NAALADL2: variants seen among roughly 807,000 people sequenced by gnomAD.
The protein encoded by NAALADL2 is N-acetylated alpha-linked acidic dipeptidase like 2.
A neutral mutation model predicts 87.2 loss-of-function variants in NAALADL2; 76 were observed. That is an observed-to-expected ratio of 0.87 (90% confidence interval 0.72 to 1.05). NAALADL2 has a LOEUF of 1.05. Ranked by LOEUF, NAALADL2 falls within the 50% of genes least tolerant of loss-of-function variation. The pLI, the probability that NAALADL2 is intolerant of heterozygous loss-of-function variation, is 0.00. For synonymous variants in NAALADL2, 354 were observed against 331.0 expected, an observed-to-expected ratio of 1.07 and a Z score of -0.75; for missense variants, 1,089 against 945.8, an observed-to-expected ratio of 1.15 and a Z score of -1.99.
chr3:174,813,933 G>A (rs1237036499), intron 3 of NAALADL2, among the ~76,000 whole-genome samples: 1 of 151,882 alleles, frequency 6.6e-6, no homozygotes, highest in Non-Finnish European at 1.5e-5. Context: ...TCTAATATAT[G>A]TAAGTCATTA....
At chr3:174,578,295 A>C (rs1207787603) in intron 2 of NAALADL2, among the ~76,000 whole-genome samples, 5 of 151,994 alleles carry the variant, frequency 3.3e-5, no homozygotes, top group Non-Finnish European at 5.9e-5. Context: ...AAAACAAAAC[A>C]CGATAAATAT....
chr3:174,642,764 A>G (rs200866054), intron 2 of NAALADL2, among the ~76,000 whole-genome samples: 1,048 of 38,210 alleles, frequency 0.027, 38 homozygotes, highest in African/African-American at 0.12. Context: ...ATATATATAT[A>G]TATATATATA....
chr3:174,819,074 TTTTTTTTTTTTTG>T (rs1290925724), intron 3 of NAALADL2, among the ~76,000 whole-genome samples: 2 of 129,638 alleles, frequency 1.5e-5, no homozygotes, highest in Non-Finnish European at 3.3e-5. Context: ...TTTTTTTTTT[TTTTTTTTTTTTTG>T]GAGACAGGAT....
chr3:175,314,527 A>G (rs1758786944), intron 4 of NAALADL2, among the ~76,000 whole-genome samples: 1 of 140,410 alleles, frequency 7.1e-6, no homozygotes, highest in Admixed American at 7.3e-5. Flanking sequence ...TCAAATTTCA[A>G]GAGCAAGCTG....
At chr3:174,865,895 A>G (rs1003058434) in intron 1 of NAALADL2, among the ~76,000 whole-genome samples, 13 of 152,046 alleles carry the variant, frequency 8.6e-5, no homozygotes, top group African/African-American at 3.1e-4. Flanking sequence ...TTGGAAACAG[A>G]GGATTTTTCA....
chr3:174,836,479 A>G (rs1051764669), intron 3 of NAALADL2, among the ~76,000 whole-genome samples: 2 of 152,024 alleles, frequency 1.3e-5, no homozygotes, highest in Non-Finnish European at 2.9e-5. Context: ...AGGCGGGTGG[A>G]TCATGAGGTC....
chr3:174,741,795 G>C (rs1849935), intron 3 of NAALADL2, among the ~76,000 whole-genome samples: 1 of 151,616 alleles, frequency 6.6e-6, no homozygotes, highest in African/African-American at 2.4e-5. Context: ...ATATTAATAA[G>C]TTTGACAGCA....
rs1339964722 is a variant in NAALADL2, at chr3:174,717,719, A to C, written c.-114-19922A>C. 2.0e-5 allele frequency among the ~76,000 whole-genome samples: 3 copies of C among 152,242 alleles called. No individual in the cohort carries two copies. The East Asian group carries it at 5.8e-4, about 29-fold the overall frequency. ...TTTCCTTCTGGAATATTAAATATGT[A>C]GTAAGAAATGATGCTTAAGAGCATT... On this transcript the variant is annotated intron_variant, in intron 2 of 3. Coordinates refer to the NAALADL2 transcript ENST00000434257.
chr3:174,882,733 A>C (rs117669859), intron 1 of NAALADL2, among the ~76,000 whole-genome samples: 2 of 145,744 alleles, frequency 1.4e-5, no homozygotes, highest in African/African-American at 2.6e-5. Flanking sequence ...GTATATGTGT[A>C]TCTATGTGTA....
intron 3 of NAALADL2, among the ~76,000 whole-genome samples, chr3:174,800,629 G>A (rs1426902320): frequency 6.6e-6 from 1 of 152,150 alleles, no homozygotes; most frequent in Non-Finnish European, 1.5e-5. Context: ...GCCTAGTAGA[G>A]CTGTGAGAAG....
intron 2 of NAALADL2, among the ~76,000 whole-genome samples, chr3:174,698,864 AAAG>A (rs1402487828): frequency 1.5e-5 from 2 of 133,572 alleles, no homozygotes; most frequent in African/African-American, 6.6e-5. Context: ...ACTCCGTCTC[AAAG>A]AAGAAAAAAA....
At chr3:175,201,479 A>G (rs975002923) in intron 2 of NAALADL2, among the ~76,000 whole-genome samples, 1 of 152,192 alleles carries the variant, frequency 6.6e-6, no homozygotes, top group African/African-American at 2.4e-5. Context: ...CATTCAACAT[A>G]TCATGAGCCC....
intron 2 of NAALADL2, among the ~76,000 whole-genome samples, chr3:174,591,597 C>T (rs1157845806): frequency 1.3e-5 from 2 of 152,130 alleles, no homozygotes. Context: ...TGGACCTAAA[C>T]AGAAATACAA....
intron 9 of NAALADL2, among the ~76,000 whole-genome samples, chr3:175,489,271 G>T (rs1246111080): frequency 6.6e-6 from 1 of 152,072 alleles, no homozygotes; most frequent in Non-Finnish European, 1.5e-5. Context: ...GTTATAGTTA[G>T]GGAAGCATAA....
chr3:174,653,632 G>A (rs1275954252), intron 2 of NAALADL2, among the ~76,000 whole-genome samples: 1 of 152,062 alleles, frequency 6.6e-6, no homozygotes, highest in Non-Finnish European at 1.5e-5. Context: ...AGTGGAAGTA[G>A]GATATGAGCT....
At chr3:174,981,164 G>T (rs915815133) in intron 1 of NAALADL2, among the ~76,000 whole-genome samples, 8 of 152,042 alleles carry the variant, frequency 5.3e-5, no homozygotes, top group Non-Finnish European at 1.0e-4. Flanking sequence ...CAATTCACTT[G>T]CTTTTCCTCT....
At chr3:175,731,038 G>A (rs4362728) in intron 11 of NAALADL2, among the ~76,000 whole-genome samples, 16,740 of 152,206 alleles carry the variant, frequency 0.11, 1,034 homozygotes, top group Middle Eastern at 0.17. Context: ...AAACACAGTA[G>A]TAGAGTGGAA....
intron 4 of NAALADL2, among the ~76,000 whole-genome samples, chr3:175,319,691 G>A (rs552326243): frequency 9.2e-5 from 14 of 152,206 alleles, no homozygotes; most frequent in African/African-American, 2.9e-4. Flanking sequence ...ATGGTGGTGC[G>A]CGCCTGTAAT....
chr3:175,371,315 C>G (rs575435151), intron 5 of NAALADL2, among the ~76,000 whole-genome samples: 2 of 151,946 alleles, frequency 1.3e-5, no homozygotes, highest in South Asian at 4.2e-4. Context: ...TCGCCCAGGC[C>G]GGACTGCAGT....
Sources: allele counts gnomAD v4.1 joint callset (sites outside exome capture counted in the v4.1 genomes callset), GRCh38; gene constraint gnomAD v4.1.1; transcripts MANE v1.5; gene names NCBI Gene and HGNC (gene_info 2026-07-23, HGNC 2026-07-21).